Variants in CD38 observed in about 807,000 individuals in gnomAD.
CD38 encodes ADP-ribosyl cyclase/cyclic ADP-ribose hydrolase 1.
In CD38, 31 loss-of-function variants were observed where a neutral mutation model predicts 36.3. The ratio of observed to expected loss-of-function variants is 0.85; its 90% CI spans 0.64 to 1.15. The LOEUF is 1.15. Among genes scored for constraint, CD38 ranks in the 50% most tolerant of loss-of-function variants. CD38 has a pLI of 0.00. For missense variants in CD38, 380 were observed against 371.9 expected (o/e 1.02, Z -0.18); for synonymous variants, 131 against 135.2 (o/e 0.97, Z 0.22).
chr4:15,795,846 A>C (rs1362257342), intron 1 of CD38, among the ~76,000 whole-genome samples: 1 of 152,120 alleles, frequency 6.6e-6, no homozygotes, highest in African/African-American at 2.4e-5. Context: ...GCAAAGTTTG[A>C]TTTGAAGAGA....
chr4:15,835,416 C>T (rs1724049043), intron 4 of CD38, among the ~76,000 whole-genome samples: 1 of 119,396 alleles, frequency 8.4e-6, no homozygotes, highest in Non-Finnish European at 1.7e-5. Context: ...CTTGCTCTGT[C>T]ACCCAGGCTG....
intron 4 of CD38, among the ~76,000 whole-genome samples, chr4:15,836,831 G>A (rs568152631): frequency 6.6e-6 from 1 of 152,168 alleles, no homozygotes; most frequent in Non-Finnish European, 1.5e-5. Flanking sequence ...TTGACATAAG[G>A]AGACCATGTT....
intron 1 of CD38, among the ~76,000 whole-genome samples, chr4:15,798,812 A>C (rs1342752685): frequency 7.2e-5 from 11 of 152,156 alleles, no homozygotes; most frequent in Non-Finnish European, 1.3e-4. Context: ...TCATTAACAT[A>C]AGTAATTATC....
chr4:15,832,504 T>A (rs960116619), intron 3 of CD38, among the ~76,000 whole-genome samples: 1 of 152,176 alleles, frequency 6.6e-6, no homozygotes, highest in Admixed American at 6.5e-5. Flanking sequence ...TTGTACACAC[T>A]CATGGAGGTA....
Position 15,810,399 on chromosome 4 carries a change from C to T in CD38, c.234-6112C>T, listed in dbSNP as rs1312227649. ...TGTAGTGGAAAATTATCTTATTCTT[C>T]CATCTTTGTCTGCAAAGATGCTGCT... On this transcript the variant is annotated intron_variant, in intron 1 of 7. Coordinates refer to ENST00000226279, the MANE Select transcript of CD38 (RefSeq NM_001775.4). 2.0e-5 allele frequency among the ~76,000 whole-genome samples: 3 copies of T among 152,100 alleles called. No homozygotes were observed. The East Asian group carries it at 5.8e-4, about 29-fold the overall frequency.
At chr4:15,792,296 G>A (rs1235908936) in intron 1 of CD38, among the ~76,000 whole-genome samples, 92 of 118,722 alleles carry the variant, frequency 7.7e-4, no homozygotes, top group Admixed American at 1.2e-3. Context: ...GCGGAAGGCC[G>A]CAGGGTCCTC....
In CD38 at chr4:15,848,718, G is replaced by C. The variant is rs980214292; in HGVS notation, c.*116G>C. ...ATTTTGGAGGGTCCTCCACAATAAG[G>C]TCAATGCCAGAGACGGAAGCCTTTT... On this transcript the variant is annotated 3_prime_UTR_variant, in exon 8 of 8. Transcript: ENST00000226279. 2.9e-6 allele frequency: 2 copies of C among 700,148 alleles called. No homozygotes were observed. Among genetic ancestry groups the C allele is most frequent in the Non-Finnish European group, 4.9e-6 (2 of 404,954 alleles). 43.4% of individuals were successfully genotyped at this position (700,148 alleles called of 1,614,324 possible). A position where few individuals can be genotyped will look rare whatever the true frequency, so the allele number is the denominator to read the frequency against.
intron 2 of CD38, among the ~76,000 whole-genome samples, chr4:15,822,526 C>T (rs1723760118): frequency 6.6e-6 from 1 of 152,076 alleles, no homozygotes; most frequent in Admixed American, 6.6e-5. Flanking sequence ...GCAAAAATCA[C>T]AAGCATTCCT....
chr4:15,791,500 G>A (rs1288563534), intron 1 of CD38, among the ~76,000 whole-genome samples: 4 of 63,802 alleles, frequency 6.3e-5, no homozygotes, highest in East Asian at 4.0e-4. Flanking sequence ...CCCCCCGCCC[G>A]GCCAGCCGCC....
chr4:15,802,774 A>G (rs200203335), intron 1 of CD38, among the ~76,000 whole-genome samples: 1 of 151,984 alleles, frequency 6.6e-6, no homozygotes. Context: ...CAAACTCCTG[A>G]CCTCAAGTGA....
intron 6 of CD38, 128 bp downstream of exon 6, chr4:15,840,246 C>A: frequency 1.3e-6 from 1 of 762,922 alleles, no homozygotes; most frequent in East Asian, 2.5e-5. Context: ...GCATGAATCC[C>A]AACAGCCTCT....
In CD38 at chr4:15,791,819, C is replaced by G. The variant is rs1264168570; in HGVS notation, c.233+13172C>G. 2.2e-5 allele frequency among the ~76,000 whole-genome samples: 2 copies of G among 89,508 alleles called. 1 individual carries two copies. The highest frequency in any genetic ancestry group is 2.0e-4 in the African/African-American group (2 of 9,806). 58.7% of individuals were successfully genotyped at this position (89,508 alleles called of 152,430 possible). On this transcript the variant is annotated intron_variant, in intron 1 of 7. Transcript: ENST00000226279. Reference sequence around the variant, plus strand: ...GGGAGGTGGGAGGGTCAGCCCCCCGCCCGGCCAGCCGCCCTATCCAGGAGG... The same window carrying G: ...GGGAGGTGGGAGGGTCAGCCCCCCGGCCGGCCAGCCGCCCTATCCAGGAGG...
In CD38 at chr4:15,840,585, T is replaced by A. The variant is rs950706493; in HGVS notation, c.839+47T>A. The A allele has an allele frequency of 2.7e-6, 3 of 1,131,096 alleles. No homozygotes were observed. In the African/African-American group the frequency reaches 4.7e-5, roughly 18 times the overall value. The allele number at this position is 1,131,096 out of a possible 1,614,324, so 70.1% of individuals were successfully genotyped here. On this transcript the variant is annotated intron_variant, in intron 7 of 7. Coordinates refer to ENST00000226279, the MANE Select transcript of CD38 (RefSeq NM_001775.4). Reference sequence around the variant, plus strand: ...AAAAAAATGACTGTCTTGTCACCTGTAGAATTTCCTTTTTTCCTTAGCCTC... The same window carrying A: ...AAAAAAATGACTGTCTTGTCACCTGAAGAATTTCCTTTTTTCCTTAGCCTC...
At chr4:15,786,555 G>T (rs561032723) in intron 1 of CD38, among the ~76,000 whole-genome samples, 1 of 152,296 alleles carries the variant, frequency 6.6e-6, no homozygotes, top group African/African-American at 2.4e-5. Context: ...GTGCTGATTG[G>T]TCCGTTTACA....
chr4:15,810,629 TA>T (rs1318755347), intron 1 of CD38, among the ~76,000 whole-genome samples: 1 of 152,184 alleles, frequency 6.6e-6, no homozygotes, highest in Non-Finnish European at 1.5e-5. Context: ...TTTTTTTCCT[TA>T]AATATATAAT....
At chr4:15,822,776 T>G (rs905870452) in intron 2 of CD38, among the ~76,000 whole-genome samples, 2 of 152,184 alleles carry the variant, frequency 1.3e-5, no homozygotes, top group African/African-American at 4.8e-5. Context: ...ATTTATAGAT[T>G]CAGTGCTATT....
chr4:15,804,527 G>A (rs1161142330), intron 1 of CD38, among the ~76,000 whole-genome samples: 1 of 152,152 alleles, frequency 6.6e-6, no homozygotes, highest in African/African-American at 2.4e-5. Flanking sequence ...CCACCGAAGT[G>A]TCTATCAACA....
At position 15,797,614 on chromosome 4, in the gene CD38, C is replaced by T. The variant is rs184121651; in HGVS notation, c.234-18897C>T. ...GGCTTCAACAATAGCATTGTACTGT[C>T]TCACAGTTCTGGAGGCTGGAAGTCT... On this transcript the variant is annotated intron_variant, in intron 1 of 7. Transcript: ENST00000226279. 2.3e-3 allele frequency among the ~76,000 whole-genome samples: 356 copies of T among 152,270 alleles called. 1 individual carries two copies. The highest frequency in any genetic ancestry group is 4.5e-3 in the Non-Finnish European group (306 of 68,014).
At chr4:15,781,340 GC>G (rs1246571381) in intron 1 of CD38, among the ~76,000 whole-genome samples, 2 of 152,140 alleles carry the variant, frequency 1.3e-5, no homozygotes, top group African/African-American at 4.8e-5. Context: ...CTCCTCTCCT[GC>G]CTGTCACACA....
Sources: gnomAD v4.1 joint callset for allele counts (sites outside exome capture counted in the v4.1 genomes callset) on GRCh38, gnomAD v4.1.1 for gene constraint, MANE v1.5 for transcripts, NCBI Gene and HGNC (gene_info 2026-07-23, HGNC 2026-07-21) for gene names.